The following FAM107B variants were observed in gnomAD, a reference collection of about 807,000 sequenced individuals.
FAM107B encodes family with sequence similarity 107 member B.
FAM107B carries 21 observed loss-of-function variants against 31.5 expected under a neutral mutation model. The ratio of observed to expected loss-of-function variants is 0.67; its 90% CI spans 0.47 to 0.96. The LOEUF is 0.96. FAM107B is among the 40% of genes least tolerant of loss of function. The pLI is 0.00. For missense variants in FAM107B, 452 were observed against 377.1 expected, an observed-to-expected ratio of 1.20 and a Z score of -1.64; for synonymous variants, 157 against 141.5, an observed-to-expected ratio of 1.11 and a Z score of -0.78.
At chr10:14,671,904 C>CAA (rs1564621077) in intron 1 of FAM107B, among the ~76,000 whole-genome samples, 1 of 137,848 alleles carries the variant, frequency 7.3e-6, no homozygotes, top group African/African-American at 3.0e-5. Context: ...AAAAAAAAAA[C>CAA]CCTCTATTTC....
chr10:14,742,669 G>A (rs539130255), intron 1 of FAM107B, among the ~76,000 whole-genome samples: 1 of 152,296 alleles, frequency 6.6e-6, no homozygotes, highest in African/African-American at 2.4e-5. Flanking sequence ...TCAAAGACCA[G>A]TATCTGCCTG....
At chr10:14,723,305 C>T in intron 1 of FAM107B, 1 of 540,798 alleles carries the variant, frequency 1.8e-6, no homozygotes. Flanking sequence ...TATCTGCACA[C>T]CTTCAGACCA....
chr10:14,592,817 C>T (rs1852064335), intron 2 of FAM107B, among the ~76,000 whole-genome samples: 1 of 152,202 alleles, frequency 6.6e-6, no homozygotes, highest in South Asian at 2.1e-4. Flanking sequence ...TGACATGCAC[C>T]GTCCAGCCAG....
At chr10:14,526,932 G>A (rs1334183372) in intron 3 of FAM107B, among the ~76,000 whole-genome samples, 1 of 151,866 alleles carries the variant, frequency 6.6e-6, no homozygotes, top group African/African-American at 2.4e-5. Context: ...CCGCCTCCCG[G>A]GTTCACGCTA....
chr10:14,697,467 G>A (rs1449434980), intron 1 of FAM107B, among the ~76,000 whole-genome samples: 1 of 152,168 alleles, frequency 6.6e-6, no homozygotes, highest in Non-Finnish European at 1.5e-5. Context: ...ATTAATTGTA[G>A]GCCAAATTCA....
chr10:14,538,101 CAG>C (rs1847827362), intron 2 of FAM107B, among the ~76,000 whole-genome samples: 1 of 152,170 alleles, frequency 6.6e-6, no homozygotes, highest in Non-Finnish European at 1.5e-5. Flanking sequence ...TTGACTTTAA[CAG>C]AATGATTTCC....
rs576396572 is a variant in FAM107B at position 14,631,296 on chromosome 10, C to T, written c.469+36338G>A. On this transcript the variant is annotated intron_variant, in intron 2 of 4. Transcript: ENST00000181796. ...CAGGATTTCTTTCATGAGCTGCCAC[C>T]ATAACATCTCCTTCTAGCCAACATC... Among the ~76,000 whole-genome samples, 5 of 152,268 alleles carry T rather than the reference C, an allele frequency of 3.3e-5. 1 individual carries two copies. The South Asian group carries it at 8.3e-4, about 25-fold the overall frequency.
chr10:14,653,620 C>T (rs955864373), intron 2 of FAM107B, among the ~76,000 whole-genome samples: 2 of 135,840 alleles, frequency 1.5e-5, no homozygotes, highest in African/African-American at 5.3e-5. Flanking sequence ...CACAGTCATC[C>T]ATGTGGTTCC....
chr10:14,685,137 CTTTTA>C (rs111927334), intron 1 of FAM107B, among the ~76,000 whole-genome samples: 64,886 of 146,366 alleles, frequency 0.44, 14,929 homozygotes, highest in East Asian at 0.64. Context: ...CAATAACATC[CTTTTA>C]TTTTTTTTTT....
At chr10:14,595,607 G>A (rs573433841) in intron 2 of FAM107B, among the ~76,000 whole-genome samples, 3 of 151,996 alleles carry the variant, frequency 2.0e-5, no homozygotes, top group South Asian at 2.1e-4. Context: ...TATAATTTTA[G>A]TAGAGACAGG....
chr10:14,628,018 G>T (rs565076961), intron 2 of FAM107B, among the ~76,000 whole-genome samples: 3 of 151,850 alleles, frequency 2.0e-5, no homozygotes, highest in Admixed American at 6.6e-5. Flanking sequence ...ATTATAAAAA[G>T]GTCAATACAG....
intron 2 of FAM107B, among the ~76,000 whole-genome samples, chr10:14,604,021 C>A (rs921194910): frequency 2.6e-4 from 38 of 146,752 alleles, no homozygotes; most frequent in African/African-American, 9.0e-4. Flanking sequence ...CGCACGGCCC[C>A]GCCGCGTGCC....
chr10:14,747,914 T>C (rs1832757132), intron 1 of FAM107B, among the ~76,000 whole-genome samples: 1 of 152,202 alleles, frequency 6.6e-6, no homozygotes, highest in South Asian at 2.1e-4. Context: ...GCTCTTATGA[T>C]CCATCTCTGC....
chr10:14,588,812 G>T (rs1323021145), intron 2 of FAM107B, among the ~76,000 whole-genome samples: 1 of 152,100 alleles, frequency 6.6e-6, no homozygotes, highest in Non-Finnish European at 1.5e-5. Context: ...GAGTGAAAAG[G>T]AGGAAGAAGA....
intron 4 of FAM107B, 94 bp downstream of exon 4, chr10:14,521,775 C>T (rs1845663163): frequency 6.6e-7 from 1 of 1,504,312 alleles, no homozygotes; most frequent in African/African-American, 1.4e-5. Flanking sequence ...TAAATGTATA[C>T]ACTGGCACGT....
intron 1 of FAM107B, among the ~76,000 whole-genome samples, chr10:14,713,576 C>G (rs1490568918): frequency 6.6e-6 from 1 of 152,132 alleles, no homozygotes; most frequent in African/African-American, 2.4e-5. Flanking sequence ...CTGGAACAGA[C>G]AGTGTTAAGT....
chr10:14,688,359 G>A (rs1318331346), intron 1 of FAM107B, among the ~76,000 whole-genome samples: 3 of 152,098 alleles, frequency 2.0e-5, no homozygotes, highest in Admixed American at 6.6e-5. Flanking sequence ...TTGTGATCGC[G>A]TGAGTCAGCA....
At chr10:14,727,557 ACT>A (rs1202405097) in intron 1 of FAM107B, among the ~76,000 whole-genome samples, 1 of 152,040 alleles carries the variant, frequency 6.6e-6, no homozygotes, top group Non-Finnish European at 1.5e-5. Flanking sequence ...TCAACTGATG[ACT>A]CTTGGGAATT....
chr10:14,693,003 C>T (rs1044578681), intron 1 of FAM107B, among the ~76,000 whole-genome samples: 2 of 152,146 alleles, frequency 1.3e-5, no homozygotes, highest in African/African-American at 4.8e-5. Flanking sequence ...ATGCGGTCAG[C>T]CTTCACTAGG....
Sources: allele counts gnomAD v4.1 joint callset (sites outside exome capture counted in the v4.1 genomes callset), GRCh38; gene constraint gnomAD v4.1.1; transcripts MANE v1.5; gene names NCBI Gene and HGNC (gene_info 2026-07-23, HGNC 2026-07-21).